The following SLA2 variants were observed in gnomAD, a reference collection of about 807,000 sequenced individuals.
SLA2 encodes src-like-adapter 2.
SLA2 carries 22 observed loss-of-function variants against 27.3 expected under a neutral mutation model. That is an observed-to-expected ratio of 0.81 (90% CI 0.58 to 1.15). The LOEUF (loss-of-function observed/expected upper bound fraction) is 1.15. SLA2 is among the 50% of genes most tolerant of loss of function. The pLI is 0.00. For missense variants in SLA2, 304 were observed against 322.2 expected (o/e 0.94, Z 0.43); for synonymous variants, 131 against 137.8 (o/e 0.95, Z 0.34).
chr20:36,615,800 A>T (rs1395064128), intron 5 of SLA2, among the ~76,000 whole-genome samples: 3 of 152,216 alleles, frequency 2.0e-5, no homozygotes, highest in Admixed American at 2.0e-4. Flanking sequence ...GATGAGCTGA[A>T]CATGCACGTA....
chr20:36,636,298 G>A (rs2039445357), intron 2 of SLA2, among the ~76,000 whole-genome samples: 1 of 150,658 alleles, frequency 6.6e-6, no homozygotes, highest in African/African-American at 2.5e-5. Context: ...GCGGGCGCCT[G>A]TAGTCCCAGC....
At chr20:36,633,699 C>G in intron 3 of SLA2, 70 bp from the exon 4 acceptor site, 1 of 1,316,090 alleles carries the variant, frequency 7.6e-7, no homozygotes, top group Non-Finnish European at 1.1e-6. Context: ...ACATTCAGGG[C>G]TTGCAAGGAC....
At chr20:36,614,971 G>C (rs1355136854) in intron 6 of SLA2, 4 of 985,300 alleles carry the variant, frequency 4.1e-6, no homozygotes, top group East Asian at 1.1e-4. Flanking sequence ...GGGGCTCTGA[G>C]TCAGAACCAG....
At chr20:36,632,806 G>A in intron 4 of SLA2, 108 bp from the exon 5 acceptor site, 1 of 810,096 alleles carries the variant, frequency 1.2e-6, no homozygotes, top group South Asian at 1.6e-5. Context: ...CTCCCTCTCT[G>A]GGCCTCAGAG....
intron 5 of SLA2, among the ~76,000 whole-genome samples, chr20:36,627,784 G>T (rs2039354523): frequency 6.6e-6 from 1 of 152,166 alleles, no homozygotes; most frequent in African/African-American, 2.4e-5. Context: ...CATATAGCCA[G>T]GTATGCCAGA....
chr20:36,613,775 A>G lies in SLA2; in HGVS notation c.*91T>C. ...CTCTGTGTCCCACCCTCCCTCCCTG[A>G]GTGCACAGCCTTGCCTCTGGGGTGC... On this transcript the variant is annotated 3_prime_UTR_variant, in exon 8 of 8. Transcript: ENST00000262866. The G allele has an allele frequency of 3.8e-5, 15 of 398,726 alleles. No individual in the cohort carries two copies. The highest frequency in any genetic ancestry group is 6.7e-5 in the East Asian group (1 of 14,908). 24.7% of individuals were successfully genotyped at this position (398,726 alleles called of 1,614,324 possible). A position where few individuals can be genotyped will look rare whatever the true frequency, so the allele number is the denominator to read the frequency against.
At chr20:36,640,088 A>G (rs117954859) in intron 2 of SLA2, among the ~76,000 whole-genome samples, 4,531 of 151,936 alleles carry the variant, frequency 0.03, 117 homozygotes, top group Middle Eastern at 0.092. Context: ...CGGGAGGATC[A>G]TTTGACCCCA....
At chr20:36,628,854 C>T (rs2039365227) in intron 5 of SLA2, among the ~76,000 whole-genome samples, 1 of 151,964 alleles carries the variant, frequency 6.6e-6, no homozygotes, top group African/African-American at 2.4e-5. Context: ...CTGCACCTGG[C>T]CCCTAAACTG....
At chr20:36,621,258 T>A in intron 5 of SLA2, 1 of 578,038 alleles carries the variant, frequency 1.7e-6, no homozygotes, top group Non-Finnish European at 3.3e-6. Context: ...GTAACTATGC[T>A]GGTGATGGGA....
intron 5 of SLA2, among the ~76,000 whole-genome samples, chr20:36,630,160 T>C (rs2039379471): frequency 6.6e-6 from 1 of 152,120 alleles, no homozygotes; most frequent in South Asian, 2.1e-4. Context: ...GGGGCCCTGC[T>C]CCACTCCGCA....
chr20:36,634,620 T>C, intron 2 of SLA2, 31 bp from the exon 3 acceptor site: 1 of 1,466,044 alleles, frequency 6.8e-7, no homozygotes, highest in African/African-American at 1.4e-5. Flanking sequence ...AGTCACCTAC[T>C]TAGCTAGCCC....
chr20:36,619,631 TTTC>T (rs201314400), intron 5 of SLA2, among the ~76,000 whole-genome samples: 3,388 of 149,742 alleles, frequency 0.023, 110 homozygotes, highest in African/African-American at 0.081. Context: ...TACAAATTTT[TTTC>T]TTTTTTTTTT....
intron 2 of SLA2, 47 bp downstream of exon 2, chr20:36,641,198 T>C: frequency 6.6e-7 from 1 of 1,510,434 alleles, no homozygotes; most frequent in Non-Finnish European, 9.2e-7. Context: ...CAGTGAAGTC[T>C]AGTACTGTGT....
At chr20:36,636,997 A>G (rs2039457265) in intron 2 of SLA2, among the ~76,000 whole-genome samples, 1 of 150,314 alleles carries the variant, frequency 6.7e-6, no homozygotes, top group Non-Finnish European at 1.5e-5. Context: ...GTTTTACTGT[A>G]GTGGTGACAG....
rs2039183091 is a variant in SLA2, at chr20:36,614,451, C to T, written c.533-14G>A. The T allele has an allele frequency of 1.3e-6, 2 of 1,595,334 alleles. No homozygotes were observed. Among genetic ancestry groups the T allele is most frequent in the Non-Finnish European group, 1.7e-6 (2 of 1,170,038 alleles). On this transcript the variant is annotated splice_polypyrimidine_tract_variant and intron_variant, in intron 6 of 7. Transcript: ENST00000262866. Reference sequence around the variant, plus strand: ...CATCCGCCAGCTCTGAGGAAGAGACCTCCATCCCTGACATGACTGACTCCA... The same window carrying T: ...CATCCGCCAGCTCTGAGGAAGAGACTTCCATCCCTGACATGACTGACTCCA...
intron 1 of SLA2, among the ~76,000 whole-genome samples, chr20:36,644,785 C>T (rs1013039511): frequency 2.6e-5 from 4 of 151,678 alleles, no homozygotes; most frequent in African/African-American, 9.7e-5. Flanking sequence ...GTGCCAGGCA[C>T]TTTCCGGAGG....
At position 36,614,322 on chromosome 20, in the gene SLA2, G is replaced by T. The variant is rs760015295; in HGVS notation, c.648C>A (p.Asn216Lys). The T allele has an allele frequency of 6.2e-7, 1 of 1,614,182 alleles. No homozygotes were observed. The highest frequency in any genetic ancestry group is 8.5e-7 in the Non-Finnish European group (1 of 1,180,032). ...AACTTTACCTGTCCAGCTCTTTCCA[G>T]TTGAGTGGTGTCCTCTGCACAGTCA... ...LPVTVQRTPL[N>K]WKELDSSLLF... The change falls in exon 7 of 8, where the codon AAC becomes AAA. Residue 216 changes from asparagine (N) to lysine (K), a missense_variant. Asn to Lys is a moderately conservative substitution (Grantham distance 94, BLOSUM62 0). Coordinates refer to ENST00000262866, the MANE Select transcript of SLA2 (RefSeq NM_032214.4).
intron 2 of SLA2, among the ~76,000 whole-genome samples, chr20:36,634,948 C>T (rs1266050382): frequency 1.3e-5 from 2 of 152,162 alleles, no homozygotes. Flanking sequence ...CAGCCTCAGC[C>T]TCCTGAGTGG....
intron 5 of SLA2, 21 bp from the exon 6 acceptor site, chr20:36,615,395 G>C: frequency 6.2e-7 from 1 of 1,612,484 alleles, no homozygotes; most frequent in Non-Finnish European, 8.5e-7. Flanking sequence ...AGGGGTCCAG[G>C]GGTGGCACTG....
Sources: gnomAD v4.1 joint callset for allele counts (sites outside exome capture counted in the v4.1 genomes callset) on GRCh38, gnomAD v4.1.1 for gene constraint, MANE v1.5 for transcripts, NCBI Gene and HGNC (gene_info 2026-07-23, HGNC 2026-07-21) for gene names.